The following GARRE1 variants were observed in gnomAD, a reference collection of about 807,000 sequenced individuals.
The protein encoded by GARRE1 is granule associated Rac and RHOG effector protein 1.
In GARRE1, 49 loss-of-function variants were observed where a neutral mutation model predicts 103.2. The observed-to-expected ratio is 0.47, with a 90% confidence interval of 0.38 to 0.60. The LOEUF (loss-of-function observed/expected upper bound fraction) is 0.60, where lower values mean the gene tolerates loss of function less well. Ranked by LOEUF, GARRE1 falls within the 20% of genes least tolerant of loss-of-function variation. The pLI is 0.00. For synonymous variants in GARRE1, 505 were observed against 532.8 expected (o/e 0.95, Z 0.72); for missense variants, 1,199 against 1,370.5 (o/e 0.87, Z 1.98).
rs1408791807 is a variant in GARRE1, at chr19:34,294,410, G to GA, written c.-795-5268dup. ...TATACTCCAGTTTGGGTGACAGAGA[G>GA]AGACCCCATCTCTAAAAGCAAAAAA... On this transcript the variant is annotated intron_variant, in intron 1 of 13. Coordinates refer to ENST00000299505, the MANE Select transcript of GARRE1 (RefSeq NM_014686.5). Among the ~76,000 whole-genome samples, 5 of 151,378 alleles carry GA rather than the reference G, an allele frequency of 3.3e-5. No individual in the cohort carries two copies. The East Asian group carries it at 9.7e-4, about 29-fold the overall frequency.
intron 8 of GARRE1, among the ~76,000 whole-genome samples, chr19:34,339,491 G>A (rs891709016): frequency 3.0e-4 from 46 of 152,148 alleles, no homozygotes; most frequent in African/African-American, 1.1e-3. Flanking sequence ...GTTCACCAGC[G>A]TGGAAGCTCT....
intron 1 of GARRE1, among the ~76,000 whole-genome samples, chr19:34,285,830 C>G (rs918119435): frequency 6.6e-6 from 1 of 152,020 alleles, no homozygotes; most frequent in Non-Finnish European, 1.5e-5. Flanking sequence ...TCAACACTAT[C>G]TAGTTTTGAT....
intron 10 of GARRE1, 63 bp downstream of exon 10, chr19:34,342,518 C>G: frequency 7.1e-7 from 1 of 1,409,676 alleles, no homozygotes; most frequent in Non-Finnish European, 9.8e-7. Context: ...GAGGTCTTCC[C>G]AGGGCCTGTC....
intron 3 of GARRE1, among the ~76,000 whole-genome samples, chr19:34,325,998 G>T (rs2074110042): frequency 6.6e-6 from 1 of 152,270 alleles, no homozygotes; most frequent in South Asian, 2.1e-4. Context: ...TTCCCGCAGT[G>T]TTTTTTCTCC....
intron 7 of GARRE1, among the ~76,000 whole-genome samples, chr19:34,332,035 A>C (rs2074140454): frequency 6.6e-6 from 1 of 151,988 alleles, no homozygotes; most frequent in African/African-American, 2.4e-5. Flanking sequence ...AGAGGTTGGA[A>C]GGACCTAATT....
At chr19:34,295,806 C>T (rs1329701049) in intron 1 of GARRE1, among the ~76,000 whole-genome samples, 2 of 152,180 alleles carry the variant, frequency 1.3e-5, no homozygotes, top group African/African-American at 4.8e-5. Flanking sequence ...GCTGGGATTA[C>T]AGGCTTGAGC....
chr19:34,257,184 G>A (rs933806958), intron 1 of GARRE1, among the ~76,000 whole-genome samples: 1 of 150,060 alleles, frequency 6.7e-6, no homozygotes, highest in Middle Eastern at 3.4e-3. Flanking sequence ...TAAGCAAATT[G>A]CACATGATTC....
chr19:34,294,260 A>G (rs2073934724), intron 1 of GARRE1, among the ~76,000 whole-genome samples: 1 of 151,730 alleles, frequency 6.6e-6, no homozygotes, highest in Admixed American at 6.6e-5. Context: ...TCTCTACAAA[A>G]AAAAAAAAAG....
rs2073772655 is a variant in GARRE1 at position 34,269,381 on chromosome 19, G to A, written c.-796+14767G>A. ...GTTGGGGGTGGGGATGGTTGTAGAA[G>A]CCTCTTTATTTTTACTTGTGATAGA... On this transcript the variant is annotated intron_variant, in intron 1 of 13. Transcript: ENST00000299505. Among the ~76,000 whole-genome samples the A allele has an allele frequency of 2.0e-5, 3 of 152,190 alleles. No homozygotes were observed. The South Asian group carries it at 6.2e-4, about 31-fold the overall frequency.
At position 34,353,248 on chromosome 19, in the gene GARRE1, G is replaced by A. The variant is rs2074250497; in HGVS notation, c.*293G>A. 2 of 427,338 alleles carry A rather than the reference G, an allele frequency of 4.7e-6. No individual in the cohort carries two copies. The highest frequency in any genetic ancestry group is 8.3e-6 in the Non-Finnish European group (2 of 240,674). The allele number at this position is 427,338 out of a possible 1,614,324, so 26.5% of individuals were successfully genotyped here. ...AGTAAGCGCCACAGGTGACTCTGAT[G>A]CAGGCGCCACAGCCACACTTGAAGA... On this transcript the variant is annotated 3_prime_UTR_variant, in exon 14 of 14. Coordinates refer to ENST00000299505, the MANE Select transcript of GARRE1 (RefSeq NM_014686.5).
chr19:34,271,245 C>CTTTTTT (rs1199086211), intron 1 of GARRE1, among the ~76,000 whole-genome samples: 23 of 105,618 alleles, frequency 2.2e-4, no homozygotes, highest in Admixed American at 2.9e-4. Context: ...TGTGCACTTT[C>CTTTTTT]TTTTTTTTTT....
chr19:34,343,053 A>C (rs751020729), intron 10 of GARRE1, among the ~76,000 whole-genome samples: 11 of 152,360 alleles, frequency 7.2e-5, no homozygotes, highest in South Asian at 2.1e-4. Context: ...TAGAGTAGAA[A>C]TTGCAAATAA....
intron 11 of GARRE1, 86 bp downstream of exon 11, chr19:34,348,128 G>A: frequency 5.9e-6 from 7 of 1,185,164 alleles, no homozygotes; most frequent in Non-Finnish European, 7.7e-6. Flanking sequence ...CCTTGCCTGT[G>A]TGCATTCTTT....
chr19:34,316,679 C>G (rs1303413058), intron 2 of GARRE1, among the ~76,000 whole-genome samples: 1 of 152,194 alleles, frequency 6.6e-6, no homozygotes, highest in Non-Finnish European at 1.5e-5. Flanking sequence ...CCAGCGTTAA[C>G]CATTGGTTTG....
rs202195982 is a variant in GARRE1, at chr19:34,342,229, G to A, written c.2295G>A (p.Ala765=). The A allele has an allele frequency of 3.2e-5, 51 of 1,614,110 alleles. No individual in the cohort carries two copies. In the Admixed American group the frequency reaches 4.7e-4, roughly 15 times the overall value. ...KWVHGSSQQP[A]QAVGAGLSPL... Reference sequence around the variant, plus strand: ...TACATGGCTCATCCCAGCAGCCAGCGCAGGCTGTTGGAGCAGGTCTGTCTC... The same window carrying A: ...TACATGGCTCATCCCAGCAGCCAGCACAGGCTGTTGGAGCAGGTCTGTCTC... Residue 765 remains alanine (A), a synonymous_variant, in exon 10 of 14, where the codon GCG becomes GCA. Coordinates refer to ENST00000299505, the MANE Select transcript of GARRE1 (RefSeq NM_014686.5).
At chr19:34,347,644 T>C (rs2074218200) in intron 10 of GARRE1, among the ~76,000 whole-genome samples, 1 of 152,238 alleles carries the variant, frequency 6.6e-6, no homozygotes, top group Admixed American at 6.5e-5. Flanking sequence ...ATCCTAGGCA[T>C]AGCCCTTCAT....
intron 9 of GARRE1, 119 bp from the exon 10 acceptor site, chr19:34,341,303 C>T (rs1425568811): frequency 5.0e-6 from 4 of 796,880 alleles, no homozygotes; most frequent in African/African-American, 1.8e-5. Flanking sequence ...ATAAGTGAAC[C>T]CGATACCAAC....
In GARRE1 at chr19:34,303,959, A is replaced by T. The variant is rs1328878226; in HGVS notation, c.495+2991A>T. ...TTTTACAATCCTTTAAAAATGTAAA[A>T]GTCAGCTTTACTTTGTGGGCCCATC... On this transcript the variant is annotated intron_variant, in intron 2 of 13. Coordinates refer to ENST00000299505, the MANE Select transcript of GARRE1 (RefSeq NM_014686.5). 2.6e-5 allele frequency among the ~76,000 whole-genome samples: 4 copies of T among 152,164 alleles called. No individual in the cohort carries two copies. The East Asian group carries it at 7.7e-4, about 29-fold the overall frequency.
rs540730497 is a variant in GARRE1, at chr19:34,318,300, C to T, written c.496-1607C>T. Among the ~76,000 whole-genome samples, 11 of 152,326 alleles carry T rather than the reference C, an allele frequency of 7.2e-5. No homozygotes were observed. In the South Asian group the frequency reaches 1.9e-3, roughly 26 times the overall value. ...TGCGTGCCACAAGGCAGAGAGTCCA[C>T]GTGTGCACCTGAGGGGAGAGGAAGG... On this transcript the variant is annotated intron_variant, in intron 2 of 13. Transcript: ENST00000299505.
Sources: allele counts gnomAD v4.1 joint callset (sites outside exome capture counted in the v4.1 genomes callset), GRCh38; gene constraint gnomAD v4.1.1; transcripts MANE v1.5; gene names NCBI Gene and HGNC (gene_info 2026-07-23, HGNC 2026-07-21).